B3GALT1: variants seen among roughly 807,000 people sequenced by gnomAD.
B3GALT1 encodes beta-1,3-galactosyltransferase 1.
Under a neutral mutation model 23.2 loss-of-function variants are expected in B3GALT1, and 10 were observed. The observed-to-expected ratio is 0.43, with a 90% CI of 0.27 to 0.73. The LOEUF is 0.73. B3GALT1 is among the 30% of genes least tolerant of loss of function. The probability of loss-of-function intolerance (pLI) is 0.21; values close to 1 mark genes in which losing one functional copy is unlikely to be tolerated. For missense variants in B3GALT1, 299 were observed against 405.4 expected (o/e 0.74, Z 2.25); for synonymous variants, 156 against 141.5 (o/e 1.10, Z -0.73).
At chr2:167,789,649 T>C (rs1193445632) in intron 3 of B3GALT1, among the ~76,000 whole-genome samples, 1 of 152,106 alleles carries the variant, frequency 6.6e-6, no homozygotes, top group African/African-American at 2.4e-5. Context: ...CAAATGCCAA[T>C]GCCAATACCC....
intron 4 of B3GALT1, among the ~76,000 whole-genome samples, chr2:167,867,065 T>A (rs1303865841): frequency 6.6e-6 from 1 of 151,814 alleles, no homozygotes; most frequent in African/African-American, 2.4e-5. Flanking sequence ...TAGCTGGGAC[T>A]ACAGGCACCC....
chr2:167,620,092 G>C (rs958471365), intron 2 of B3GALT1, among the ~76,000 whole-genome samples: 6 of 152,082 alleles, frequency 3.9e-5, no homozygotes, highest in Non-Finnish European at 8.8e-5. Flanking sequence ...GCTGAGATCT[G>C]ATGGACAAGA....
Position 167,791,957 on chromosome 2 carries a change from T to G in B3GALT1, c.-351-26715T>G, listed in dbSNP as rs114504547. 2.5e-3 allele frequency among the ~76,000 whole-genome samples: 379 copies of G among 152,172 alleles called. 4 individuals carry two copies. The highest frequency in any genetic ancestry group is 0.012 in the South Asian group (59 of 4,824). On this transcript the variant is annotated intron_variant, in intron 3 of 4. Transcript: ENST00000392690. ...TAGACATGCAGTAACTACTTCTTTA[T>G]GGATTGAATTATTGAACAGTTCATA... is the stretch of plus-strand genomic sequence containing the variant.
intron 2 of B3GALT1, among the ~76,000 whole-genome samples, chr2:167,626,470 T>G (rs975992750): frequency 3.3e-5 from 5 of 151,724 alleles, no homozygotes; most frequent in Non-Finnish European, 7.4e-5. Flanking sequence ...AGAATTTGGG[T>G]GTCTGGATAA....
chr2:167,566,111 A>T (rs529449899), intron 2 of B3GALT1, among the ~76,000 whole-genome samples: 14 of 152,336 alleles, frequency 9.2e-5, no homozygotes, highest in African/African-American at 3.4e-4. Flanking sequence ...CAAATGTTCA[A>T]CAATGATAGA....
At chr2:167,813,585 G>GAGTT (rs1688934443) in intron 3 of B3GALT1, among the ~76,000 whole-genome samples, 1 of 152,152 alleles carries the variant, frequency 6.6e-6, no homozygotes, top group Non-Finnish European at 1.5e-5. Flanking sequence ...ACATTGCCAG[G>GAGTT]AGTTAATATG....
intron 4 of B3GALT1, among the ~76,000 whole-genome samples, chr2:167,830,153 G>A (rs1052604429): frequency 2.0e-5 from 3 of 152,260 alleles, no homozygotes; most frequent in South Asian, 2.1e-4. Context: ...TGGAAGTCAC[G>A]CCCAGAGAAA....
intron 2 of B3GALT1, among the ~76,000 whole-genome samples, chr2:167,562,701 G>C (rs961437849): frequency 2.0e-5 from 3 of 151,320 alleles, no homozygotes; most frequent in Non-Finnish European, 4.4e-5. Context: ...CGCAGAGGGG[G>C]ATTTGGCAGG....
At chr2:167,344,091 C>T (rs1697190699) in intron 1 of B3GALT1, among the ~76,000 whole-genome samples, 1 of 152,126 alleles carries the variant, frequency 6.6e-6, no homozygotes, top group Non-Finnish European at 1.5e-5. Context: ...AAAAAATACT[C>T]ATATAAAATT....
At chr2:167,793,963 T>G (rs1688494639) in intron 3 of B3GALT1, among the ~76,000 whole-genome samples, 1 of 152,218 alleles carries the variant, frequency 6.6e-6, no homozygotes, top group Non-Finnish European at 1.5e-5. Flanking sequence ...GATTCCCTTT[T>G]TTCTTCACAA....
intron 2 of B3GALT1, among the ~76,000 whole-genome samples, chr2:167,604,276 A>T (rs934549911): frequency 6.6e-6 from 1 of 152,076 alleles, no homozygotes; most frequent in Admixed American, 6.5e-5. Flanking sequence ...CCCCCATGTG[A>T]TTATATGTGA....
chr2:167,566,501 T>C (rs143211328), intron 2 of B3GALT1, among the ~76,000 whole-genome samples: 8,516 of 150,792 alleles, frequency 0.056, 343 homozygotes, highest in South Asian at 0.18. Flanking sequence ...TAAAGTATAA[T>C]AATAATAATA....
At chr2:167,773,711 C>G (rs767795787) in intron 3 of B3GALT1, among the ~76,000 whole-genome samples, 30 of 152,222 alleles carry the variant, frequency 2.0e-4, no homozygotes, top group African/African-American at 7.0e-4. Context: ...ACTATACTTT[C>G]TGTGTTTCTC....
chr2:167,618,665 T>C (rs957251222), intron 2 of B3GALT1, among the ~76,000 whole-genome samples: 1 of 152,088 alleles, frequency 6.6e-6, no homozygotes, highest in Non-Finnish European at 1.5e-5. Context: ...TTTCATTTCA[T>C]GTCTTTTTAA....
At chr2:167,445,314 T>C (rs764944688) in intron 1 of B3GALT1, among the ~76,000 whole-genome samples, 2 of 152,218 alleles carry the variant, frequency 1.3e-5, no homozygotes, top group African/African-American at 4.8e-5. Context: ...ATAAGTGCGA[T>C]GTGGTGCTGA....
intron 4 of B3GALT1, among the ~76,000 whole-genome samples, chr2:167,834,341 G>C (rs1033560860): frequency 1.3e-5 from 2 of 152,138 alleles, no homozygotes; most frequent in Non-Finnish European, 2.9e-5. Flanking sequence ...CTTATAAAAA[G>C]CAAGCAGTGT....
chr2:167,402,275 A>C (rs1287328133), intron 1 of B3GALT1, among the ~76,000 whole-genome samples: 1 of 152,148 alleles, frequency 6.6e-6, no homozygotes, highest in Admixed American at 6.6e-5. Flanking sequence ...GCGTGTCATC[A>C]ATTAAAAAAA....
chr2:167,866,265 A>T (rs1262964943), intron 4 of B3GALT1, among the ~76,000 whole-genome samples: 1 of 152,166 alleles, frequency 6.6e-6, no homozygotes, highest in East Asian at 1.9e-4. Flanking sequence ...GGTACTGTGG[A>T]CAGTCTGCAG....
At chr2:167,716,040 C>T in intron 3 of B3GALT1, 1 of 1,603,478 alleles carries the variant, frequency 6.2e-7, no homozygotes. Context: ...CAAGTAGGGC[C>T]GAGCGGTAGC....
Sources: gnomAD v4.1 joint callset for allele counts (sites outside exome capture counted in the v4.1 genomes callset) on GRCh38, gnomAD v4.1.1 for gene constraint, MANE v1.5 for transcripts, NCBI Gene and HGNC (gene_info 2026-07-23, HGNC 2026-07-21) for gene names.